CNIH3: variants seen among roughly 807,000 people sequenced by gnomAD.
CNIH3 encodes protein cornichon homolog 3.
CNIH3 carries 14 observed loss-of-function variants against 24.1 expected under a neutral mutation model. The ratio of observed to expected loss-of-function variants is 0.58; its 90% CI spans 0.38 to 0.91. The LOEUF (loss-of-function observed/expected upper bound fraction) is 0.91. Ranked by LOEUF, CNIH3 falls within the 40% of genes least tolerant of loss-of-function variation. The pLI, the probability that CNIH3 is intolerant of heterozygous loss-of-function variation, is 0.00. For missense variants in CNIH3, 178 were observed against 196.8 expected (o/e 0.90, Z 0.57); for synonymous variants, 68 against 73.8 (o/e 0.92, Z 0.40).
In CNIH3 at chr1:224,551,802, C is replaced by T. The variant is rs370619208; in HGVS notation, n.450+4863C>T. ...GTGATATTAGGAGTCATACATCTCC[C>T]AAAAATATTATGAATAAAATCACAG... On this transcript the variant is annotated intron_variant and non_coding_transcript_variant, in intron 3 of 5. Coordinates refer to the CNIH3 transcript ENST00000471578. Among the ~76,000 whole-genome samples the T allele has an allele frequency of 1.1e-3, 168 of 149,554 alleles. 6 individuals are homozygous for T. In the South Asian group the frequency reaches 0.035, roughly 32 times the overall value.
chr1:224,457,275 C>CTGTGTG (rs1168012940), intron 1 of CNIH3, among the ~76,000 whole-genome samples: 4 of 42,720 alleles, frequency 9.4e-5, no homozygotes, highest in African/African-American at 2.2e-4. Flanking sequence ...CTCTCTCTCT[C>CTGTGTG]TGTGTGTGTG....
chr1:224,435,062 G>C lies in CNIH3; in HGVS notation n.203+200G>C, dbSNP rs192069094. On this transcript the variant is annotated intron_variant and non_coding_transcript_variant, in intron 1 of 5. Transcript: ENST00000471578. ...GGCTGGCTCGACGAGCAGTAAGTTC[G>C]TAGCCGCCCTCCGAAGCCGGGCGTG... 2,150 of 985,640 alleles carry C rather than the reference G, an allele frequency of 2.2e-3. 5 individuals carry two copies. The highest frequency in any genetic ancestry group is 2.4e-3 in the Non-Finnish European group (1,990 of 830,134). The allele number at this position is 985,640 out of a possible 1,614,324, so 61.1% of individuals were successfully genotyped here.
At chr1:224,646,027 T>G (rs575367543) in intron 1 of CNIH3, among the ~76,000 whole-genome samples, 3 of 152,352 alleles carry the variant, frequency 2.0e-5, no homozygotes, top group African/African-American at 7.2e-5. Context: ...TCATATTTAT[T>G]GAGCACCCAT....
chr1:224,516,512 A>T (rs1678389738), intron 1 of CNIH3, among the ~76,000 whole-genome samples: 1 of 152,106 alleles, frequency 6.6e-6, no homozygotes, highest in Admixed American at 6.5e-5. Context: ...TTCAAAGCCT[A>T]GCTCAATGCT....
At chr1:224,675,560 A>G (rs1210919913) in intron 1 of CNIH3, among the ~76,000 whole-genome samples, 3 of 152,254 alleles carry the variant, frequency 2.0e-5, no homozygotes, top group Non-Finnish European at 4.4e-5. Flanking sequence ...CAATATTTGC[A>G]AATTACATAT....
chr1:224,639,086 C>G (rs1025505347), intron 1 of CNIH3, among the ~76,000 whole-genome samples: 1 of 152,208 alleles, frequency 6.6e-6, no homozygotes, highest in Non-Finnish European at 1.5e-5. Context: ...TGCAAATTCT[C>G]TTTCCCCAAT....
chr1:224,596,337 G>C (rs1235400629), intron 3 of CNIH3, among the ~76,000 whole-genome samples: 1 of 152,204 alleles, frequency 6.6e-6, no homozygotes, highest in Non-Finnish European at 1.5e-5. Flanking sequence ...ACAGACATTT[G>C]TTTATAGCAT....
intron 1 of CNIH3, among the ~76,000 whole-genome samples, chr1:224,442,658 C>CT (rs940454544): frequency 1.2e-4 from 18 of 152,256 alleles, no homozygotes; most frequent in Admixed American, 4.6e-4. Flanking sequence ...ATATTGTACT[C>CT]TTTTAATCTT....
At chr1:224,661,491 T>C (rs1246110101) in intron 1 of CNIH3, 1 of 276,948 alleles carries the variant, frequency 3.6e-6, no homozygotes, top group East Asian at 1.0e-4. Flanking sequence ...TCCCTCAGCT[T>C]CTGCTCCCTT....
At chr1:224,567,360 C>A (rs548995275) in intron 4 of CNIH3, among the ~76,000 whole-genome samples, 2 of 152,122 alleles carry the variant, frequency 1.3e-5, no homozygotes, top group Admixed American at 1.3e-4. Context: ...TGTGCAGAAG[C>A]GCTTTAGTTT....
chr1:224,628,935 C>A (rs1345034802), intron 1 of CNIH3, among the ~76,000 whole-genome samples: 2 of 151,150 alleles, frequency 1.3e-5, no homozygotes, highest in African/African-American at 4.9e-5. Context: ...ACCTGGAACT[C>A]CCCCCCAACC....
chr1:224,672,472 G>A (rs955102961), intron 1 of CNIH3, among the ~76,000 whole-genome samples: 2 of 152,158 alleles, frequency 1.3e-5, no homozygotes, highest in Non-Finnish European at 2.9e-5. Context: ...AGTTCTGAAG[G>A]CTAGAAGTCT....
intron 1 of CNIH3, among the ~76,000 whole-genome samples, chr1:224,465,967 G>C (rs1401357814): frequency 1.3e-5 from 2 of 152,216 alleles, no homozygotes; most frequent in African/African-American, 4.8e-5. Context: ...GGCGGAGGTT[G>C]CAGTGAGCTG....
At chr1:224,464,775 T>A (rs978138724) in intron 1 of CNIH3, among the ~76,000 whole-genome samples, 1 of 152,230 alleles carries the variant, frequency 6.6e-6, no homozygotes, top group Non-Finnish European at 1.5e-5. Context: ...GCTGTATTCT[T>A]CTTTTTTTTA....
chr1:224,714,383 G>A (rs1688315934), intron 3 of CNIH3, among the ~76,000 whole-genome samples: 1 of 152,182 alleles, frequency 6.6e-6, no homozygotes, highest in Non-Finnish European at 1.5e-5. Flanking sequence ...GCCACCAAGG[G>A]AAAATATGAA....
intron 4 of CNIH3, among the ~76,000 whole-genome samples, chr1:224,579,427 C>T (rs896266507): frequency 2.0e-5 from 3 of 152,138 alleles, no homozygotes; most frequent in Non-Finnish European, 4.4e-5. Flanking sequence ...TGAAGAACTT[C>T]TTTGACAAAT....
At position 224,680,991 on chromosome 1, in the gene CNIH3, A is replaced by G; in HGVS notation, c.115A>G (p.Lys39Glu). ...IAFDELRTDFKSPIDQCNPVH... is the reference protein window; with the variant it reads ...IAFDELRTDFESPIDQCNPVH... ...CTTTGATGAGTTAAGGACAGATTTT[A>G]AGAGCCCCATAGACCAGTGCAATCC... is the stretch of plus-strand genomic sequence containing the variant. Residue 39 changes from lysine (K) to glutamate (E), a missense_variant, in exon 2 of 6, where the codon AAG (lysine) becomes GAG (glutamate). Coordinates refer to ENST00000272133, the MANE Select transcript of CNIH3 (RefSeq NM_152495.2). The G allele has an allele frequency of 6.2e-7, 1 of 1,614,142 alleles. No homozygotes were observed. Among genetic ancestry groups the G allele is most frequent in the South Asian group, 1.1e-5 (1 of 91,078 alleles).
At chr1:224,528,000 G>A (rs1357379789) in intron 2 of CNIH3, among the ~76,000 whole-genome samples, 1 of 152,162 alleles carries the variant, frequency 6.6e-6, no homozygotes, top group Non-Finnish European at 1.5e-5. Context: ...AGTGGCTCAT[G>A]CCTGTAATTC....
At chr1:224,557,726 G>A (rs1241447205) in intron 3 of CNIH3, among the ~76,000 whole-genome samples, 1 of 152,148 alleles carries the variant, frequency 6.6e-6, no homozygotes, top group Non-Finnish European at 1.5e-5. Context: ...CAAAGTGCTG[G>A]GATTACAGGT....
Sources: allele counts gnomAD v4.1 joint callset (sites outside exome capture counted in the v4.1 genomes callset), GRCh38; gene constraint gnomAD v4.1.1; transcripts MANE v1.5; gene names NCBI Gene and HGNC (gene_info 2026-07-23, HGNC 2026-07-21).